Variants in CWC22 observed in about 807,000 individuals in gnomAD.
CWC22 encodes pre-mRNA-splicing factor CWC22 homolog.
Under a neutral mutation model 117.2 loss-of-function variants are expected in CWC22, and 53 were observed. The ratio of observed to expected loss-of-function variants is 0.45; its 90% CI spans 0.36 to 0.57. The LOEUF is 0.57. Among genes scored for constraint, CWC22 ranks in the 20% least tolerant of loss-of-function variants. The pLI is 0.00. For missense variants in CWC22, 980 were observed against 1,068.8 expected (o/e 0.92, Z 1.16); for synonymous variants, 360 against 355.6 (o/e 1.01, Z -0.14).
chr2:179,973,660 G>A lies in CWC22; in HGVS notation c.724C>T (p.Arg242Ter). 2 of 1,606,824 alleles carry A rather than the reference G, an allele frequency of 1.2e-6. No individual in the cohort carries two copies. The highest frequency in any genetic ancestry group is 1.7e-6 in the Non-Finnish European group (2 of 1,175,638). ...LILKRLILNF[R>*]KGYRRNDKQL... is the part of the protein sequence containing the mutation. ...TTGTCATTTCTTCGATAGCCTTTTC[G>A]AAAATTAAGAATTAACCTTTTGAGG... is the stretch of plus-strand genomic sequence containing the variant. Residue 242 changes from arginine (R) to a stop codon, truncating the protein, a stop_gained, in exon 7 of 20, where the codon CGA becomes TGA. Coordinates refer to ENST00000410053, the MANE Select transcript of CWC22 (RefSeq NM_020943.3). LOFTEE classifies it high-confidence loss of function.
At chr2:179,987,882 G>A (rs1048358983) in intron 3 of CWC22, among the ~76,000 whole-genome samples, 11 of 152,150 alleles carry the variant, frequency 7.2e-5, no homozygotes, top group East Asian at 1.9e-4. Context: ...ATAATCCAGC[G>A]GTCTCAAACC....
intron 4 of CWC22, among the ~76,000 whole-genome samples, chr2:179,982,307 A>C (rs1687305654): frequency 6.6e-6 from 1 of 152,202 alleles, no homozygotes; most frequent in African/African-American, 2.4e-5. Context: ...TGAGTAGGAC[A>C]ATCAGGAAAC....
At chr2:179,969,609 T>C (rs1288140867) in intron 11 of CWC22, among the ~76,000 whole-genome samples, 2 of 152,202 alleles carry the variant, frequency 1.3e-5, no homozygotes, top group Non-Finnish European at 2.9e-5. Flanking sequence ...ATGGTGCTGT[T>C]AGCCTGATAA....
chr2:180,006,423 C>T (rs1434427040), intron 1 of CWC22, among the ~76,000 whole-genome samples: 2 of 152,154 alleles, frequency 1.3e-5, no homozygotes. Flanking sequence ...TATTACCTCA[C>T]TGGAGATAGT....
chr2:179,961,691 TAAGTG>T (rs2105518001), intron 13 of CWC22, among the ~76,000 whole-genome samples: 1 of 152,168 alleles, frequency 6.6e-6, no homozygotes, highest in African/African-American at 2.4e-5. Context: ...TTTTATCTAC[TAAGTG>T]AAGTATCAGG....
chr2:179,949,601 G>C (rs1686397285), intron 19 of CWC22, among the ~76,000 whole-genome samples: 1 of 151,956 alleles, frequency 6.6e-6, no homozygotes, highest in African/African-American at 2.4e-5. Flanking sequence ...ATAACCACTT[G>C]GAAAACTGAC....
At chr2:179,971,940 G>C (rs1000491480) in intron 8 of CWC22, among the ~76,000 whole-genome samples, 2 of 152,154 alleles carry the variant, frequency 1.3e-5, no homozygotes, top group African/African-American at 4.8e-5. Flanking sequence ...TCAGTGACAA[G>C]AAAATACTGC....
In CWC22 at chr2:179,988,616, T is replaced by C; in HGVS notation, c.56A>G (p.Asn19Ser). The C allele has an allele frequency of 6.5e-7, 1 of 1,526,742 alleles. No homozygotes were observed. Among genetic ancestry groups the C allele is most frequent in the Non-Finnish European group, 8.8e-7 (1 of 1,130,496 alleles). 94.6% of individuals were successfully genotyped at this position (1,526,742 alleles called of 1,614,324 possible). Residue 19 changes from asparagine to serine, a missense_variant, in exon 3 of 20, where the codon AAC becomes AGC. Asn to Ser is a conservative substitution (Grantham distance 46). Transcript: ENST00000410053. ...KPSSGHDRRE[N>S]LNSYQRNSSP... ...GGAGTTCCTCTGATATGAATTAAGG[T>C]TTTCCCTTCTGTCATGACCAGAAGA...
chr2:179,977,705 A>G (rs2105535980), intron 6 of CWC22, among the ~76,000 whole-genome samples: 1 of 152,338 alleles, frequency 6.6e-6, no homozygotes, highest in Non-Finnish European at 1.5e-5. Flanking sequence ...AAAACAGAGT[A>G]GATTTTTAAG....
intron 16 of CWC22, 50 bp downstream of exon 16, chr2:179,954,155 T>A (rs1426405887): frequency 2.1e-6 from 3 of 1,440,392 alleles, no homozygotes; most frequent in Non-Finnish European, 2.9e-6. Context: ...AAAATCTATT[T>A]GAGAACAGGG....
At position 179,965,962 on chromosome 2, in the gene CWC22, T is replaced by G; in HGVS notation, c.1231A>C (p.Thr411Pro). The G allele has an allele frequency of 6.2e-7, 1 of 1,611,466 alleles. No homozygotes were observed. The highest frequency in any genetic ancestry group is 8.5e-7 in the Non-Finnish European group (1 of 1,178,320). The change falls in exon 12 of 20, where the codon ACT (threonine) becomes CCT (proline). Residue 411 changes from threonine to proline, a missense_variant. Around this residue, in one of 3 missense-constraint regions of CWC22, gnomAD observed 559 missense variants for 602.3 expected, o/e 0.93. Coordinates refer to ENST00000410053, the MANE Select transcript of CWC22 (RefSeq NM_020943.3). Reference protein sequence around the residue: ...IKKEILDEGDTDSNTDQDAGS... With the variant: ...IKKEILDEGDPDSNTDQDAGS... ...GCATCCTGGTCTGTGTTCGAGTCAG[T>G]ATCTCCCTCATCAAGAATTTCTGTA...
intron 1 of CWC22, among the ~76,000 whole-genome samples, chr2:180,000,492 A>T (rs777608310): frequency 6.6e-6 from 1 of 152,238 alleles, no homozygotes; most frequent in Non-Finnish European, 1.5e-5. Flanking sequence ...ATTACTTAAT[A>T]TGTAGTATAG....
At chr2:179,960,635 T>TA (rs1686728151) in intron 13 of CWC22, among the ~76,000 whole-genome samples, 1 of 151,984 alleles carries the variant, frequency 6.6e-6, no homozygotes, top group Admixed American at 6.6e-5. Context: ...ATGACTCTCA[T>TA]TTTTATAGAT....
intron 14 of CWC22, 46 bp from the exon 15 acceptor site, chr2:179,955,080 C>T: frequency 7.7e-7 from 1 of 1,300,888 alleles, no homozygotes; most frequent in South Asian, 1.3e-5. Context: ...CACAAAGAGA[C>T]TAAATATTGT....
intron 2 of CWC22, among the ~76,000 whole-genome samples, chr2:179,990,327 G>T (rs1559296374): frequency 6.6e-6 from 1 of 152,186 alleles, no homozygotes; most frequent in East Asian, 1.9e-4. Flanking sequence ...CAAAGCACAA[G>T]ATTCATTCAA....
intron 1 of CWC22, among the ~76,000 whole-genome samples, chr2:180,005,940 T>A (rs541784928): frequency 6.6e-6 from 1 of 152,210 alleles, no homozygotes. Flanking sequence ...CCAACACAAG[T>A]GGCTTTCCTC....
chr2:179,949,304 A>G (rs1212105912), intron 19 of CWC22, among the ~76,000 whole-genome samples: 11 of 152,226 alleles, frequency 7.2e-5, no homozygotes, highest in Admixed American at 7.2e-4. Context: ...TATCATATCT[A>G]GAATATGTAA....
intron 19 of CWC22, among the ~76,000 whole-genome samples, chr2:179,949,940 A>G (rs1212745171): frequency 2.6e-5 from 4 of 152,190 alleles, no homozygotes; most frequent in Non-Finnish European, 5.9e-5. Flanking sequence ...GCTAAAGGTA[A>G]AAACAGGCAC....
intron 19 of CWC22, among the ~76,000 whole-genome samples, chr2:179,949,035 T>TAAA (rs1686381473): frequency 6.6e-6 from 1 of 152,120 alleles, no homozygotes; most frequent in African/African-American, 2.4e-5. Flanking sequence ...TAGCTCAGAA[T>TAAA]AAAAGGTTAC....
Sources: allele counts gnomAD v4.1 joint callset (sites outside exome capture counted in the v4.1 genomes callset), GRCh38; gene constraint gnomAD v4.1.1; regional missense constraint gnomAD v4.1.1; transcripts MANE v1.5; gene names NCBI Gene and HGNC (gene_info 2026-07-23, HGNC 2026-07-21).